The following ATP8B4 variants were observed in gnomAD, a reference collection of about 807,000 sequenced individuals.
The protein encoded by ATP8B4 is ATPase phospholipid transporting 8B4 (putative).
Under a neutral mutation model 145.6 loss-of-function variants are expected in ATP8B4, and 133 were observed. That is an observed-to-expected ratio of 0.91 (90% CI 0.79 to 1.05). The LOEUF is 1.05. Ranked by LOEUF, ATP8B4 falls within the 50% of genes least tolerant of loss-of-function variation. ATP8B4 has a pLI of 0.00. For missense variants in ATP8B4, 1,458 were observed against 1,425.2 expected, an observed-to-expected ratio of 1.02 and a Z score of -0.37; for synonymous variants, 507 against 492.9, an observed-to-expected ratio of 1.03 and a Z score of -0.38.
At chr15:50,043,597 A>G (rs907983993) in intron 5 of ATP8B4, among the ~76,000 whole-genome samples, 3 of 152,168 alleles carry the variant, frequency 2.0e-5, no homozygotes, top group African/African-American at 4.8e-5. Flanking sequence ...AATAGCATAT[A>G]TATTTCTCTT....
intron 2 of ATP8B4, among the ~76,000 whole-genome samples, chr15:50,091,810 G>A (rs2055628439): frequency 1.3e-5 from 2 of 151,866 alleles, no homozygotes; most frequent in South Asian, 4.2e-4. Context: ...TTATAAAACA[G>A]ATTATTTAAA....
chr15:49,990,320 C>T (rs1187115867), intron 9 of ATP8B4, among the ~76,000 whole-genome samples: 7 of 152,096 alleles, frequency 4.6e-5, no homozygotes, highest in African/African-American at 1.7e-4. Context: ...GATGAGGAAA[C>T]AGTTAAGGAA....
In ATP8B4 at chr15:50,086,751, TAA is replaced by T. The variant is rs1491398742; in HGVS notation, c.29-12568_29-12567del. 5.6e-4 allele frequency among the ~76,000 whole-genome samples: 30 copies of T among 53,592 alleles called. 3 individuals carry two copies. Among genetic ancestry groups the T allele is most frequent in the South Asian group, 1.1e-3 (2 of 1,796 alleles). 35.2% of individuals were successfully genotyped at this position (53,592 alleles called of 152,430 possible). On this transcript the variant is annotated intron_variant, in intron 2 of 27. Coordinates refer to ENST00000284509, the MANE Select transcript of ATP8B4 (RefSeq NM_024837.4). ...TATAGAGATCTATATTTATTATATA[TAA>T]AATAATAGAGATCTATATTATTATA... is the stretch of plus-strand genomic sequence containing the variant.
At chr15:49,884,936 C>A (rs962764524) in intron 23 of ATP8B4, among the ~76,000 whole-genome samples, 1 of 152,200 alleles carries the variant, frequency 6.6e-6, no homozygotes, top group Non-Finnish European at 1.5e-5. Flanking sequence ...AAACCACCCC[C>A]ACTGGTCTGT....
intron 12 of ATP8B4, among the ~76,000 whole-genome samples, chr15:49,977,149 T>C (rs1221937922): frequency 6.6e-6 from 1 of 152,168 alleles, no homozygotes; most frequent in Non-Finnish European, 1.5e-5. Context: ...TGAACTTCTA[T>C]CCTCAAGTGA....
chr15:49,913,586 G>A (rs1286326362), intron 20 of ATP8B4, among the ~76,000 whole-genome samples: 3 of 152,160 alleles, frequency 2.0e-5, no homozygotes, highest in Non-Finnish European at 2.9e-5. Context: ...AATTGTTCCT[G>A]TTTGCAAGCA....
chr15:50,142,319 GA>G (rs1251123933), intron 1 of ATP8B4, among the ~76,000 whole-genome samples: 1 of 152,028 alleles, frequency 6.6e-6, no homozygotes, highest in Non-Finnish European at 1.5e-5. Context: ...TATACATACA[GA>G]AAAACACACA....
chr15:50,051,758 G>A (rs2153612988), intron 3 of ATP8B4, among the ~76,000 whole-genome samples: 1 of 152,230 alleles, frequency 6.6e-6, no homozygotes, highest in Non-Finnish European at 1.5e-5. Flanking sequence ...CTAGCATCTT[G>A]CAAAAAGGAC....
chr15:49,877,831 TA>T (rs1259043314), intron 24 of ATP8B4, among the ~76,000 whole-genome samples: 1 of 152,192 alleles, frequency 6.6e-6, no homozygotes, highest in Non-Finnish European at 1.5e-5. Flanking sequence ...CTTCTATAAA[TA>T]ACAATTAATA....
At chr15:49,931,903 C>G (rs556577521) in intron 15 of ATP8B4, among the ~76,000 whole-genome samples, 21 of 151,742 alleles carry the variant, frequency 1.4e-4, no homozygotes, top group African/African-American at 4.6e-4. Context: ...GATATTAATA[C>G]TTGTTACCTG....
intron 14 of ATP8B4, among the ~76,000 whole-genome samples, chr15:49,936,780 G>A (rs762060605): frequency 2.6e-5 from 4 of 151,940 alleles, no homozygotes; most frequent in Admixed American, 6.6e-5. Flanking sequence ...AACAGTCTTA[G>A]TTAAATTTTG....
At chr15:49,977,828 AT>A (rs932143001) in intron 12 of ATP8B4, among the ~76,000 whole-genome samples, 1 of 152,196 alleles carries the variant, frequency 6.6e-6, no homozygotes, top group Admixed American at 6.6e-5. Flanking sequence ...TATTTGGAGA[AT>A]AAAGTAACTC....
At chr15:49,972,185 T>C (rs2045211618) in intron 13 of ATP8B4, among the ~76,000 whole-genome samples, 1 of 152,140 alleles carries the variant, frequency 6.6e-6, no homozygotes, top group Non-Finnish European at 1.5e-5. Context: ...GACGGGTTGA[T>C]GGGTACAGCA....
intron 14 of ATP8B4, among the ~76,000 whole-genome samples, chr15:49,944,382 T>A (rs546159452): frequency 6.6e-6 from 1 of 152,250 alleles, no homozygotes; most frequent in South Asian, 2.1e-4. Flanking sequence ...GAAAAAAATA[T>A]TCCATGAAAA....
At chr15:49,933,861 T>C (rs1303060351) in intron 15 of ATP8B4, among the ~76,000 whole-genome samples, 156 bp downstream of exon 15, 1 of 152,114 alleles carries the variant, frequency 6.6e-6, no homozygotes, top group Non-Finnish European at 1.5e-5. Flanking sequence ...TTGAAAATCC[T>C]TCAAATTTAA....
intron 9 of ATP8B4, among the ~76,000 whole-genome samples, chr15:49,990,791 G>C (rs1033599946): frequency 6.6e-6 from 1 of 152,130 alleles, no homozygotes; most frequent in South Asian, 2.1e-4. Context: ...TTGATTATCT[G>C]TACTGCAACT....
chr15:50,106,918 T>C (rs746975323), intron 2 of ATP8B4, 21 bp downstream of exon 2: 21 of 1,584,684 alleles, frequency 1.3e-5, no homozygotes, highest in African/African-American at 8.2e-5. Flanking sequence ...CTTTGCATCA[T>C]TGGAAGAACT....
Position 50,074,146 on chromosome 15 carries a change from T to C in ATP8B4, c.68A>G (p.Asn23Ser). 1 of 1,613,232 alleles carries C rather than the reference T, an allele frequency of 6.2e-7. No homozygotes were observed. The highest frequency in any genetic ancestry group is 8.5e-7 in the Non-Finnish European group (1 of 1,179,416). ...RIVKANDREY[N>S]EKFQYADNRI... ...ACTTACCGCATACTGGAACTTTTCA[T>C]TATATTCACGGTCATTGGCTTTCAC... The change falls in exon 3 of 28, where the codon AAT (asparagine) becomes AGT (serine). Residue 23 changes from asparagine to serine, a missense_variant. By Grantham distance (46) the Asn-to-Ser change is conservative. Transcript: ENST00000284509.
intron 13 of ATP8B4, among the ~76,000 whole-genome samples, chr15:49,966,422 G>A (rs538613084): frequency 3.9e-5 from 6 of 152,260 alleles, no homozygotes; most frequent in African/African-American, 1.2e-4. Context: ...TGGGACGCTC[G>A]AACTTGGTGG....
Sources: allele counts gnomAD v4.1 joint callset (sites outside exome capture counted in the v4.1 genomes callset), GRCh38; gene constraint gnomAD v4.1.1; transcripts MANE v1.5; gene names NCBI Gene and HGNC (gene_info 2026-07-23, HGNC 2026-07-21).